The following SDCCAG8 variants were observed in gnomAD, a reference collection of about 807,000 sequenced individuals.
SDCCAG8 encodes the protein serologically defined colon cancer antigen 8.
Under a neutral mutation model 101.8 loss-of-function variants are expected in SDCCAG8, and 74 were observed. That is an observed-to-expected ratio of 0.73 (90% CI 0.60 to 0.88). The LOEUF (loss-of-function observed/expected upper bound fraction) is 0.88. SDCCAG8 is among the 40% of genes least tolerant of loss of function. The pLI, the probability that SDCCAG8 is intolerant of heterozygous loss-of-function variation, is 0.00. For synonymous variants in SDCCAG8, 281 were observed against 292.9 expected (o/e 0.96, Z 0.41); for missense variants, 787 against 822.6 (o/e 0.96, Z 0.53).
chr1:243,264,395 A>C (rs936124568), intron 1 of SDCCAG8, among the ~76,000 whole-genome samples: 1 of 152,104 alleles, frequency 6.6e-6, no homozygotes, highest in East Asian at 1.9e-4. Flanking sequence ...CGGAAGGATC[A>C]CCTGAGGTCG....
At chr1:243,457,593 ACAGT>A (rs2083860924) in intron 16 of SDCCAG8, among the ~76,000 whole-genome samples, 1 of 152,238 alleles carries the variant, frequency 6.6e-6, no homozygotes, top group Non-Finnish European at 1.5e-5. Flanking sequence ...TCTGCTGGTA[ACAGT>A]CGGTGCATAC....
At chr1:243,440,293 A>G (rs979058199) in intron 16 of SDCCAG8, among the ~76,000 whole-genome samples, 4 of 152,176 alleles carry the variant, frequency 2.6e-5, no homozygotes, top group East Asian at 3.8e-4. Context: ...ATTCACACTT[A>G]ATAGTATATC....
intron 6 of SDCCAG8, among the ~76,000 whole-genome samples, 161 bp from the exon 7 acceptor site, chr1:243,304,552 A>G (rs1325977419): frequency 6.6e-6 from 1 of 152,236 alleles, no homozygotes; most frequent in African/African-American, 2.4e-5. Context: ...CACAATAAAA[A>G]TAGAAAAATT....
intron 16 of SDCCAG8, among the ~76,000 whole-genome samples, chr1:243,440,249 TTAAA>T (rs1441444962): frequency 3.3e-5 from 5 of 152,172 alleles, no homozygotes; most frequent in African/African-American, 1.2e-4. Context: ...TATGTTTTTG[TTAAA>T]TAAAATAAGT....
intron 1 of SDCCAG8, among the ~76,000 whole-genome samples, chr1:243,260,602 T>C (rs1476911130): frequency 6.6e-6 from 1 of 152,160 alleles, no homozygotes; most frequent in African/African-American, 2.4e-5. Context: ...ATTTTAGCCT[T>C]AATAACAGAA....
At chr1:243,442,284 T>C (rs1361643050) in intron 16 of SDCCAG8, among the ~76,000 whole-genome samples, 2 of 152,204 alleles carry the variant, frequency 1.3e-5, no homozygotes, top group Admixed American at 6.5e-5. Flanking sequence ...CTGGTTGTAA[T>C]TGAACAATAA....
intron 6 of SDCCAG8, 115 bp from the exon 7 acceptor site, chr1:243,304,596 CAT>C (rs2071890544): frequency 1.5e-6 from 1 of 646,748 alleles, no homozygotes; most frequent in Non-Finnish European, 2.8e-6. Flanking sequence ...TCTAAGAAGA[CAT>C]GTTTCCCCCA....
chr1:243,398,016 C>T (rs558087070), intron 13 of SDCCAG8, among the ~76,000 whole-genome samples: 4 of 152,232 alleles, frequency 2.6e-5, no homozygotes, highest in African/African-American at 4.8e-5. Context: ...GACAAAGAGA[C>T]GCCAATAGAG....
chr1:243,435,069 A>G (rs1230120872), intron 16 of SDCCAG8, among the ~76,000 whole-genome samples: 2 of 152,216 alleles, frequency 1.3e-5, no homozygotes, highest in Admixed American at 6.5e-5. Context: ...TACACTGCTG[A>G]TGTGCTTGGG....
At chr1:243,405,858 C>A (rs2079742029) in intron 13 of SDCCAG8, among the ~76,000 whole-genome samples, 1 of 151,516 alleles carries the variant, frequency 6.6e-6, no homozygotes, top group Non-Finnish European at 1.5e-5. Context: ...AATTTTATAG[C>A]CACAAGGGAA....
chr1:243,334,464 C>T (rs958118507), intron 10 of SDCCAG8, among the ~76,000 whole-genome samples: 2 of 152,172 alleles, frequency 1.3e-5, no homozygotes, highest in Admixed American at 6.5e-5. Context: ...CTTGTGCTTC[C>T]CCAAGCATGT....
At chr1:243,294,698 C>CT (rs1042997185) in intron 6 of SDCCAG8, among the ~76,000 whole-genome samples, 3 of 46,008 alleles carry the variant, frequency 6.5e-5, no homozygotes, top group Non-Finnish European at 1.1e-4. Flanking sequence ...TTCTAAATTC[C>CT]CCCCCCCCCC....
At chr1:243,327,351 AAATTAT>A (rs1361797893) in intron 9 of SDCCAG8, among the ~76,000 whole-genome samples, 4 of 146,366 alleles carry the variant, frequency 2.7e-5, no homozygotes, top group East Asian at 2.0e-4. Flanking sequence ...ATAGAAATTA[AAATTAT>A]AATTATAATT....
At chr1:243,279,954 A>G (rs1186158679) in intron 4 of SDCCAG8, among the ~76,000 whole-genome samples, 1 of 152,192 alleles carries the variant, frequency 6.6e-6, no homozygotes, top group African/African-American at 2.4e-5. Context: ...GAATTTTATG[A>G]AATATATTAT....
chr1:243,310,675 A>T (rs1433729172), intron 8 of SDCCAG8, among the ~76,000 whole-genome samples: 1 of 152,210 alleles, frequency 6.6e-6, no homozygotes, highest in Non-Finnish European at 1.5e-5. Flanking sequence ...TTACAATAAA[A>T]CATTACATAT....
chr1:243,378,768 G>C lies in SDCCAG8; in HGVS notation c.1521G>C (p.Leu507Phe). 1 of 1,614,046 alleles carries C rather than the reference G, an allele frequency of 6.2e-7. No homozygotes were observed. The highest frequency in any genetic ancestry group is 2.2e-5 in the East Asian group (1 of 44,878). The change falls in exon 13 of 18, where the codon TTG becomes TTC. Residue 507 changes from leucine to phenylalanine, a missense_variant. Transcript: ENST00000366541. The stretch of plus-strand genomic sequence containing the variant: ...AACTGGATGAAAGCAAACAACACTT[G>C]GAACAGGAGCAGCAGAAGGCAGCCC... Reference protein sequence around the residue: ...RIELDESKQHLEQEQQKAALA... With the variant: ...RIELDESKQHFEQEQQKAALA...
chr1:243,479,753 T>C (rs918184117), intron 16 of SDCCAG8, among the ~76,000 whole-genome samples: 1 of 152,138 alleles, frequency 6.6e-6, no homozygotes, highest in Admixed American at 6.5e-5. Context: ...TAGGAGAGTT[T>C]TCATGTAGAC....
intron 10 of SDCCAG8, chr1:243,338,920 T>C (rs1323093976): frequency 6.5e-6 from 1 of 153,246 alleles, no homozygotes; most frequent in African/African-American, 2.4e-5. Flanking sequence ...GCTCCTGCCG[T>C]GTAATGTTGA....
At chr1:243,368,384 T>C (rs1300503700) in intron 12 of SDCCAG8, among the ~76,000 whole-genome samples, 1 of 152,196 alleles carries the variant, frequency 6.6e-6, no homozygotes, top group Non-Finnish European at 1.5e-5. Context: ...TTTTTAGTTA[T>C]GTTCTCTCCA....
Sources: allele counts gnomAD v4.1 joint callset (sites outside exome capture counted in the v4.1 genomes callset), GRCh38; gene constraint gnomAD v4.1.1; transcripts MANE v1.5; gene names NCBI Gene and HGNC (gene_info 2026-07-23, HGNC 2026-07-21).